IFT88: variants seen among roughly 807,000 people sequenced by gnomAD.
The protein encoded by IFT88 is intraflagellar transport protein 88 homolog.
IFT88 carries 74 observed loss-of-function variants against 119.5 expected under a neutral mutation model. The observed-to-expected ratio is 0.62, with a 90% CI of 0.51 to 0.75. The LOEUF (loss-of-function observed/expected upper bound fraction) is 0.75, where lower values mean the gene tolerates loss of function less well. Among genes scored for constraint, IFT88 ranks in the 30% least tolerant of loss-of-function variants. The pLI, the probability that IFT88 is intolerant of heterozygous loss-of-function variation, is 0.00. For synonymous variants in IFT88, 279 were observed against 316.7 expected, an observed-to-expected ratio of 0.88 and a Z score of 1.26; for missense variants, 961 against 977.7, an observed-to-expected ratio of 0.98 and a Z score of 0.23.
intron 2 of IFT88, 134 bp from the exon 3 acceptor site, chr13:20,582,823 G>A (rs1439795775): frequency 3.3e-6 from 2 of 611,646 alleles, no homozygotes; most frequent in African/African-American, 3.6e-5. Flanking sequence ...GAGATTTGAG[G>A]TAGGAGTCCT....
intron 3 of IFT88, among the ~76,000 whole-genome samples, chr13:20,586,416 T>C (rs561491584): frequency 6.6e-6 from 1 of 152,218 alleles, no homozygotes; most frequent in African/African-American, 2.4e-5. Flanking sequence ...TAAAAGAGTA[T>C]AAATTGCTGT....
At chr13:20,687,785 A>T (rs1397247464) in intron 24 of IFT88, among the ~76,000 whole-genome samples, 2 of 152,198 alleles carry the variant, frequency 1.3e-5, no homozygotes, top group East Asian at 3.8e-4. Flanking sequence ...AACTTCAAAA[A>T]TGCACGGCTG....
At chr13:20,664,287 G>A (rs1038870854) in intron 23 of IFT88, among the ~76,000 whole-genome samples, 1 of 152,166 alleles carries the variant, frequency 6.6e-6, no homozygotes, top group African/African-American at 2.4e-5. Flanking sequence ...TATCTAAAAT[G>A]ATTTTTCAGA....
At chr13:20,632,734 G>A (rs1313886036) in intron 16 of IFT88, among the ~76,000 whole-genome samples, 4 of 152,156 alleles carry the variant, frequency 2.6e-5, no homozygotes, top group African/African-American at 9.7e-5. Context: ...TGGTTTATAT[G>A]TGATTCTTCT....
Position 20,597,687 on chromosome 13 carries a change from C to T in IFT88, c.594+568C>T, listed in dbSNP as rs572624757. Among the ~76,000 whole-genome samples, 1,270 of 150,848 alleles carry T rather than the reference C, an allele frequency of 8.4e-3. 15 individuals carry two copies. Among genetic ancestry groups the T allele is most frequent in the Non-Finnish European group, 0.011 (742 of 67,670 alleles). On this transcript the variant is annotated intron_variant, in intron 9 of 25. Transcript: ENST00000351808. ...TGAACCCGGGAGGCGGAGCTTGCGGCGAGCCAAGATCTTGCCACCACACTC... is the reference window on the plus strand; with the variant it reads ...TGAACCCGGGAGGCGGAGCTTGCGGTGAGCCAAGATCTTGCCACCACACTC...
In IFT88 at chr13:20,691,062, T is replaced by C; in HGVS notation, c.2362T>C (p.Tyr788His). ...ATCTCTTCGAAACCTAGATGCCTCCTATGTGGACCCACTTGGCCCTCAAAT... is the reference window on the plus strand; with the variant it reads ...ATCTCTTCGAAACCTAGATGCCTCCCATGTGGACCCACTTGGCCCTCAAAT... ...SSSNKEIDAS[Y>H]VDPLGPQIER... is the part of the protein sequence containing the mutation. The change falls in exon 26 of 26, where the codon TAT becomes CAT. Residue 788 changes from tyrosine to histidine, a missense_variant. By Grantham distance (83) the Tyr-to-His change is moderately conservative. Coordinates refer to ENST00000351808, the MANE Select transcript of IFT88 (RefSeq NM_006531.5). 6.2e-7 allele frequency: 1 copy of C among 1,613,918 alleles called. No individual in the cohort carries two copies. Among genetic ancestry groups the C allele is most frequent in the Non-Finnish European group, 8.5e-7 (1 of 1,179,912 alleles).
chr13:20,583,497 A>G (rs2039098000), intron 3 of IFT88, among the ~76,000 whole-genome samples: 1 of 152,102 alleles, frequency 6.6e-6, no homozygotes, highest in African/African-American at 2.4e-5. Flanking sequence ...TTTGTTATTC[A>G]GTTGTAGGAG....
At chr13:20,570,346 T>C (rs929832155) in intron 1 of IFT88, among the ~76,000 whole-genome samples, 2 of 152,216 alleles carry the variant, frequency 1.3e-5, no homozygotes, top group African/African-American at 4.8e-5. Flanking sequence ...AGAGTTACTA[T>C]ATGATCCAGC....
chr13:20,669,424 ATTT>A (rs34389525), intron 23 of IFT88, among the ~76,000 whole-genome samples: 4 of 143,008 alleles, frequency 2.8e-5, no homozygotes, highest in Admixed American at 1.4e-4. Flanking sequence ...TATTTTCAGC[ATTT>A]TTTTTTTTTT....
At chr13:20,676,940 C>G (rs1463909146) in intron 24 of IFT88, among the ~76,000 whole-genome samples, 2 of 152,118 alleles carry the variant, frequency 1.3e-5, no homozygotes, top group Non-Finnish European at 2.9e-5. Context: ...CTCATACATA[C>G]AAACACACAT....
rs566532432 is a variant in IFT88, at chr13:20,689,211, C to T, written c.2243-1494C>T. ...CCTCCCAAAGTGCTGGGATTACAGG[C>T]GTGAGTCACCGTGCCCGGCCCCAGG... On this transcript the variant is annotated intron_variant, in intron 24 of 25. Transcript: ENST00000351808. Among the ~76,000 whole-genome samples, 6 of 152,232 alleles carry T rather than the reference C, an allele frequency of 3.9e-5. No homozygotes were observed. In the East Asian group the frequency reaches 5.8e-4, roughly 15 times the overall value.
In IFT88 at chr13:20,673,077, T is replaced by G. The variant is rs73433371; in HGVS notation, c.2242+2038T>G. Among the ~76,000 whole-genome samples the G allele has an allele frequency of 3.1e-3, 472 of 152,278 alleles. 1 individual carries two copies. Among genetic ancestry groups the G allele is most frequent in the African/African-American group, 0.01 (431 of 41,548 alleles). On this transcript the variant is annotated intron_variant, in intron 24 of 25. Coordinates refer to ENST00000351808, the MANE Select transcript of IFT88 (RefSeq NM_006531.5). The stretch of plus-strand genomic sequence containing the variant: ...CTGTCCCTTTAAGGAGTAATTGTCT[T>G]GAGTAACCCCTAAGGAAGTATTAAG...
At chr13:20,683,014 C>G (rs2057494067) in intron 24 of IFT88, among the ~76,000 whole-genome samples, 1 of 152,208 alleles carries the variant, frequency 6.6e-6, no homozygotes. Flanking sequence ...GCAGTGCCCT[C>G]ATAAGTTGTA....
intron 13 of IFT88, among the ~76,000 whole-genome samples, chr13:20,606,992 A>C (rs1199972500): frequency 1.3e-5 from 2 of 152,190 alleles, no homozygotes; most frequent in Admixed American, 6.5e-5. Flanking sequence ...CTAGGCCCAG[A>C]TGGGTTTTAC....
chr13:20,663,178 A>G (rs1282389732), intron 22 of IFT88: 4 of 1,142,722 alleles, frequency 3.5e-6, no homozygotes, highest in Non-Finnish European at 3.4e-6. Context: ...ATATGTATTT[A>G]TGAAACTGCT....
At chr13:20,618,130 C>A (rs185052126) in intron 14 of IFT88, among the ~76,000 whole-genome samples, 1 of 152,194 alleles carries the variant, frequency 6.6e-6, no homozygotes, top group East Asian at 1.9e-4. Context: ...CCATGTTAGC[C>A]AGGATGGTCT....
chr13:20,687,332 G>T (rs1420522059), intron 24 of IFT88, among the ~76,000 whole-genome samples: 2 of 152,128 alleles, frequency 1.3e-5, no homozygotes, highest in Non-Finnish European at 2.9e-5. Context: ...CATTTTGTGG[G>T]GCGAGCCAAA....
At chr13:20,624,991 T>C (rs1396703399) in intron 14 of IFT88, among the ~76,000 whole-genome samples, 1 of 152,196 alleles carries the variant, frequency 6.6e-6, no homozygotes, top group Non-Finnish European at 1.5e-5. Flanking sequence ...CTCTTCAACT[T>C]ATTCCTTCGT....
chr13:20,690,940 G>C, intron 25 of IFT88, 114 bp from the exon 26 acceptor site: 1 of 1,413,916 alleles, frequency 7.1e-7, no homozygotes, highest in Non-Finnish European at 9.9e-7. Context: ...AAAATGACTT[G>C]GGAGACCATT....
Sources: gnomAD v4.1 joint callset for allele counts (sites outside exome capture counted in the v4.1 genomes callset) on GRCh38, gnomAD v4.1.1 for gene constraint, MANE v1.5 for transcripts, NCBI Gene and HGNC (gene_info 2026-07-23, HGNC 2026-07-21) for gene names.